Variants in TMEM109 observed in about 807,000 individuals in gnomAD.
The protein encoded by TMEM109 is transmembrane protein 109.
A neutral mutation model predicts 26.4 loss-of-function variants in TMEM109; 19 were observed. The observed-to-expected ratio is 0.72, with a 90% CI of 0.50 to 1.06. The LOEUF is 1.06. Among genes scored for constraint, TMEM109 ranks in the 50% least tolerant of loss-of-function variants. The pLI, the probability that TMEM109 is intolerant of heterozygous loss-of-function variation, is 0.00. For missense variants in TMEM109, 262 were observed against 303.4 expected (o/e 0.86, Z 1.01); for synonymous variants, 129 against 142.0 (o/e 0.91, Z 0.65).
chr11:60,919,965 T>A (rs1382715616), intron 2 of TMEM109, 35 bp downstream of exon 2: 1 of 1,557,542 alleles, frequency 6.4e-7, no homozygotes, highest in Admixed American at 1.7e-5. Context: ...CTACACACAT[T>A]AAGGAAAAAT....
chr11:60,919,337 C>T (rs1424934054), intron 1 of TMEM109, among the ~76,000 whole-genome samples: 1 of 152,170 alleles, frequency 6.6e-6, no homozygotes, highest in Non-Finnish European at 1.5e-5. Context: ...TCTTATAATA[C>T]TTTTATGCCT....
chr11:60,915,970 G>A (rs1856170754), intron 1 of TMEM109, among the ~76,000 whole-genome samples: 1 of 152,216 alleles, frequency 6.6e-6, no homozygotes, highest in Non-Finnish European at 1.5e-5. Context: ...ACCATGGCCT[G>A]TAAGCCCAGA....
At chr11:60,914,578 A>C (rs1484393535) in intron 1 of TMEM109, among the ~76,000 whole-genome samples, 2 of 152,066 alleles carry the variant, frequency 1.3e-5, no homozygotes, top group African/African-American at 4.8e-5. Flanking sequence ...GAGCCCCCGA[A>C]CCCCGACCCA....
chr11:60,921,454 C>T (rs912228532), intron 3 of TMEM109, among the ~76,000 whole-genome samples: 1 of 152,134 alleles, frequency 6.6e-6, no homozygotes, highest in African/African-American at 2.4e-5. Context: ...TCCGCCACCA[C>T]GTGCCAGTTG....
chr11:60,918,832 T>G (rs536572096), intron 1 of TMEM109: 3 of 152,268 alleles, frequency 2.0e-5, no homozygotes, highest in Non-Finnish European at 4.4e-5. Context: ...GTTCTCAACT[T>G]CATGCAGTGG....
intron 1 of TMEM109, among the ~76,000 whole-genome samples, chr11:60,915,865 C>T (rs1376999111): frequency 6.6e-6 from 1 of 152,204 alleles, no homozygotes. Context: ...AGGCTGGGCT[C>T]TCCAGACCCA....
At chr11:60,917,715 G>T (rs976217990) in intron 1 of TMEM109, among the ~76,000 whole-genome samples, 7 of 152,120 alleles carry the variant, frequency 4.6e-5, no homozygotes, top group Admixed American at 4.6e-4. Flanking sequence ...GGATACAGTG[G>T]CATGATCATA....
In TMEM109 at chr11:60,922,340, C is replaced by A; in HGVS notation, c.*175C>A. 1 of 1,535,490 alleles carries A rather than the reference C, an allele frequency of 6.5e-7. No homozygotes were observed. The highest frequency in any genetic ancestry group is 8.7e-7 in the Non-Finnish European group (1 of 1,146,368). ...AAACAGAGAAAGACCATTCCCCCTG[C>A]CTGTCCTTGCGGCCCTGTCTTCTGA... On this transcript the variant is annotated 3_prime_UTR_variant, in exon 4 of 4. Coordinates refer to ENST00000227525, the MANE Select transcript of TMEM109 (RefSeq NM_024092.3).
rs1214776663 is a variant in TMEM109, at chr11:60,920,997, T to C, written c.340+9T>C. 1 of 1,612,478 alleles carries C rather than the reference T, an allele frequency of 6.2e-7. No individual in the cohort carries two copies. The highest frequency in any genetic ancestry group is 8.5e-7 in the Non-Finnish European group (1 of 1,178,632). Reference sequence around the variant, plus strand: ...TGCCTTGGGACTAGCTGGTGAGTGTTCGAGTGCTGGGTAGTCAGCCAGAGC... The same window carrying C: ...TGCCTTGGGACTAGCTGGTGAGTGTCCGAGTGCTGGGTAGTCAGCCAGAGC... On this transcript the variant is annotated intron_variant, in intron 3 of 3. Coordinates refer to ENST00000227525, the MANE Select transcript of TMEM109 (RefSeq NM_024092.3).
At chr11:60,920,544 T>A (rs750046072) in intron 2 of TMEM109, among the ~76,000 whole-genome samples, 5 of 152,230 alleles carry the variant, frequency 3.3e-5, no homozygotes, top group Non-Finnish European at 5.9e-5. Flanking sequence ...ATAGGGTGAC[T>A]ACTAAAAGTA....
In TMEM109 at chr11:60,919,791, C is replaced by G. The variant is rs150820716; in HGVS notation, c.98C>G (p.Ala33Gly). Reference sequence around the variant, plus strand: ...CTTATCCTCCTCCACTCAGCATTGGCCCAGTCCCGTCGAGACTTTGCACCA... The same window carrying G: ...CTTATCCTCCTCCACTCAGCATTGGGCCAGTCCCGTCGAGACTTTGCACCA... ...VALILLHSAL[A>G]QSRRDFAPPG... The change falls in exon 2 of 4, where the codon GCC becomes GGC. Residue 33 changes from alanine (A) to glycine (G), a missense_variant. Physicochemically the swap from Ala to Gly is moderately conservative, Grantham distance 60. Transcript: ENST00000227525. 6.2e-7 allele frequency: 1 copy of G among 1,614,018 alleles called. No homozygotes were observed. The highest frequency in any genetic ancestry group is 1.3e-5 in the African/African-American group (1 of 74,888).
chr11:60,919,817 C>G lies in TMEM109; in HGVS notation c.124C>G (p.Pro42Ala). 6.2e-7 allele frequency: 1 copy of G among 1,614,174 alleles called. No homozygotes were observed. Among genetic ancestry groups the G allele is most frequent in the Non-Finnish European group, 8.5e-7 (1 of 1,180,034 alleles). Residue 42 changes from proline to alanine, a missense_variant, in exon 2 of 4, where the codon CCA (proline) becomes GCA (alanine). Transcript: ENST00000227525. ...CCAGTCCCGTCGAGACTTTGCACCA[C>G]CAGGCCAACAGAAGAGAGAAGCCCC... ...LAQSRRDFAP[P>A]GQQKREAPVD...
intron 1 of TMEM109, among the ~76,000 whole-genome samples, chr11:60,914,638 C>T (rs1195299326): frequency 4.6e-5 from 7 of 152,260 alleles, no homozygotes. Flanking sequence ...GGGCCCCAAA[C>T]TCATGGGTCG....
At chr11:60,914,803 C>T (rs1325254533) in intron 1 of TMEM109, among the ~76,000 whole-genome samples, 2 of 152,268 alleles carry the variant, frequency 1.3e-5, no homozygotes, top group African/African-American at 4.8e-5. Flanking sequence ...GTCGCCCTGC[C>T]CCCAAACAGT....
chr11:60,920,778 A>AG, intron 2 of TMEM109, 108 bp from the exon 3 acceptor site: 2 of 1,020,818 alleles, frequency 2.0e-6, no homozygotes, highest in Non-Finnish European at 3.0e-6. Flanking sequence ...TGGGTGAGAA[A>AG]CAGGTCTGAG....
chr11:60,921,635 A>C (rs1277835079), intron 3 of TMEM109, 139 bp from the exon 4 acceptor site: 1 of 687,886 alleles, frequency 1.5e-6, no homozygotes, highest in East Asian at 2.5e-5. Context: ...TGAGATTCCA[A>C]CCCATATCAC....
Position 60,922,736 on chromosome 11 carries a change from C to A in TMEM109, c.*571C>A. On this transcript the variant is annotated 3_prime_UTR_variant, in exon 4 of 4. Transcript: ENST00000227525. ...AGGATAAAGGGTGGGGAAACAGGGT[C>A]CCCTGAGGCCTGTGGGGGCTGCAGG... The A allele has an allele frequency of 4.7e-6, 1 of 212,974 alleles. No homozygotes were observed. The allele number at this position is 212,974 out of a possible 1,614,324, so 13.2% of individuals were successfully genotyped here. A position where few individuals can be genotyped will look rare whatever the true frequency, so the allele number is the denominator to read the frequency against.
chr11:60,919,907 G>C lies in TMEM109; in HGVS notation c.214G>C (p.Glu72Gln). The C allele has an allele frequency of 6.2e-7, 1 of 1,614,202 alleles. No individual in the cohort carries two copies. The highest frequency in any genetic ancestry group is 1.3e-5 in the African/African-American group (1 of 75,054). Residue 72 changes from glutamate (E) to glutamine (Q), a missense_variant, in exon 2 of 4, where the codon GAG becomes CAG. Transcript: ENST00000227525. ...RGTLDAWIGP[E>Q]TMHLVSESSS... Reference sequence around the variant, plus strand: ...GACACTGGATGCCTGGATTGGGCCAGAGACCATGCACCTGGTGTCAGAGGT... The same window carrying C: ...GACACTGGATGCCTGGATTGGGCCACAGACCATGCACCTGGTGTCAGAGGT...
intron 1 of TMEM109, among the ~76,000 whole-genome samples, chr11:60,917,173 T>TAG (rs1339640713): frequency 6.6e-6 from 1 of 152,122 alleles, no homozygotes; most frequent in Non-Finnish European, 1.5e-5. Context: ...ATGTAGTATT[T>TAG]TTAGAACCCT....
Sources: allele counts gnomAD v4.1 joint callset (sites outside exome capture counted in the v4.1 genomes callset), GRCh38; gene constraint gnomAD v4.1.1; transcripts MANE v1.5; gene names NCBI Gene and HGNC (gene_info 2026-07-23, HGNC 2026-07-21).